EPHA6: variants seen among roughly 807,000 people sequenced by gnomAD.
EPHA6 encodes the protein EPH receptor A6.
In EPHA6, 50 loss-of-function variants were observed where a neutral mutation model predicts 112.0. The observed-to-expected ratio is 0.45, with a 90% CI of 0.36 to 0.56. EPHA6 has a LOEUF of 0.56. Among genes scored for constraint, EPHA6 ranks in the 20% least tolerant of loss-of-function variants. The probability of loss-of-function intolerance (pLI) is 0.00; values close to 1 mark genes in which losing one functional copy is unlikely to be tolerated. For synonymous variants in EPHA6, 529 were observed against 490.7 expected (o/e 1.08, Z -1.03); for missense variants, 1,280 against 1,417.4 (o/e 0.90, Z 1.56).
intron 5 of EPHA6, among the ~76,000 whole-genome samples, chr3:97,337,383 C>T (rs1233012719): frequency 6.6e-6 from 1 of 152,136 alleles, no homozygotes; most frequent in African/African-American, 2.4e-5. Flanking sequence ...GAGTGCTAAA[C>T]TTTAATTGGC....
intron 1 of EPHA6, among the ~76,000 whole-genome samples, chr3:96,823,294 A>G (rs543523773): frequency 3.6e-4 from 55 of 151,882 alleles, no homozygotes; most frequent in Middle Eastern, 3.4e-3. Context: ...GTAGCTAAGT[A>G]GCTATAAACA....
At position 97,735,905 on chromosome 3, in the gene EPHA6, C is replaced by T; in HGVS notation, c.2935-20C>T. On this transcript the variant is annotated intron_variant, in intron 15 of 17. Transcript: ENST00000389672. ...TACTGCCTAAAAATAAGAGAGTAATCTGTATATGTTTGCATTTAGGTCATT... is the reference window on the plus strand; with the variant it reads ...TACTGCCTAAAAATAAGAGAGTAATTTGTATATGTTTGCATTTAGGTCATT... 6.5e-7 allele frequency: 1 copy of T among 1,542,410 alleles called. No homozygotes were observed. Among genetic ancestry groups the T allele is most frequent in the Non-Finnish European group, 8.8e-7 (1 of 1,136,636 alleles).
chr3:97,604,725 G>T (rs1051703758), intron 12 of EPHA6, among the ~76,000 whole-genome samples: 2 of 151,528 alleles, frequency 1.3e-5, no homozygotes, highest in Admixed American at 6.6e-5. Flanking sequence ...ACTTCCCTAA[G>T]ATCATGCAAC....
intron 3 of EPHA6, among the ~76,000 whole-genome samples, chr3:96,993,562 C>T (rs116740796): frequency 0.013 from 1,995 of 152,170 alleles, 44 homozygotes; most frequent in African/African-American, 0.043. Flanking sequence ...CTTTCATTTC[C>T]TCATTCCAGA....
chr3:97,080,650 T>C (rs2046691426), intron 3 of EPHA6, among the ~76,000 whole-genome samples: 1 of 152,052 alleles, frequency 6.6e-6, no homozygotes, highest in African/African-American at 2.4e-5. Context: ...GAAATGAATA[T>C]TCTCCCAAAC....
At chr3:97,479,108 T>G (rs2091456104) in intron 8 of EPHA6, among the ~76,000 whole-genome samples, 186 bp from the exon 9 acceptor site, 1 of 152,154 alleles carries the variant, frequency 6.6e-6, no homozygotes. Context: ...TAACAGCATT[T>G]TATTCTAGGG....
chr3:97,641,869 G>A (rs1336526318), intron 14 of EPHA6, among the ~76,000 whole-genome samples: 7 of 151,590 alleles, frequency 4.6e-5, no homozygotes, highest in East Asian at 2.0e-4. Flanking sequence ...GGGGAGGGGC[G>A]CCCGCCATTG....
At chr3:97,146,587 A>G (rs180851604) in intron 3 of EPHA6, among the ~76,000 whole-genome samples, 1 of 152,060 alleles carries the variant, frequency 6.6e-6, no homozygotes, top group Admixed American at 6.6e-5. Flanking sequence ...TACTCTCTAT[A>G]TTAGGTAACT....
Position 97,448,637 on chromosome 3 carries a change from C to T in EPHA6, c.1801C>T (p.Pro601Ser), listed in dbSNP as rs772861092. Residue 601 changes from proline (P) to serine (S), a missense_variant, in exon 7 of 18, where the codon CCA becomes TCA. Pro to Ser is a moderately conservative substitution (Grantham distance 74, BLOSUM62 -1). Around this residue, in one of 4 missense-constraint regions of EPHA6, gnomAD observed 878 missense variants for 999.7 expected, o/e 0.88. Transcript: ENST00000389672. ...APSVIITGLK[P>S]ATKYVFHIRV... The stretch of plus-strand genomic sequence containing the variant: ...CAGTGTCATCATCACAGGTCTTAAG[C>T]CAGCCACCAAATATGTATTTCACAT... 4 of 1,613,560 alleles carry T rather than the reference C, an allele frequency of 2.5e-6. No homozygotes were observed. In the South Asian group the frequency reaches 4.4e-5, roughly 18 times the overall value.
chr3:97,654,607 TTG>T (rs2094126930), intron 14 of EPHA6, among the ~76,000 whole-genome samples: 1 of 151,860 alleles, frequency 6.6e-6, no homozygotes, highest in Non-Finnish European at 1.5e-5. Flanking sequence ...GACCTGAAAA[TTG>T]TAAAGGTACC....
chr3:97,306,707 A>C (rs1383460574), intron 5 of EPHA6, among the ~76,000 whole-genome samples: 1 of 151,874 alleles, frequency 6.6e-6, no homozygotes, highest in South Asian at 2.1e-4. Flanking sequence ...ATATATTACT[A>C]TTAAAAATTC....
At chr3:96,912,337 C>A (rs995099732) in intron 2 of EPHA6, among the ~76,000 whole-genome samples, 3 of 151,924 alleles carry the variant, frequency 2.0e-5, no homozygotes, top group African/African-American at 7.3e-5. Flanking sequence ...GAACTAATTG[C>A]CAATCAATAG....
chr3:97,568,143 T>C (rs1249026673), intron 11 of EPHA6, among the ~76,000 whole-genome samples: 2 of 152,176 alleles, frequency 1.3e-5, no homozygotes, highest in Non-Finnish European at 2.9e-5. Flanking sequence ...GGCTAGGCCC[T>C]GGAGGATAAG....
At chr3:97,496,812 C>CA (rs1169968537) in intron 10 of EPHA6, among the ~76,000 whole-genome samples, 8 of 148,584 alleles carry the variant, frequency 5.4e-5, no homozygotes, top group African/African-American at 2.1e-4. Flanking sequence ...GATGCACACA[C>CA]ACAAAAAAAA....
chr3:97,035,137 A>T (rs1331779382), intron 3 of EPHA6, among the ~76,000 whole-genome samples: 1 of 151,974 alleles, frequency 6.6e-6, no homozygotes, highest in Non-Finnish European at 1.5e-5. Flanking sequence ...TATTAGAAGC[A>T]TGTGAAATAT....
intron 3 of EPHA6, among the ~76,000 whole-genome samples, chr3:97,094,377 A>T (rs762416328): frequency 8.5e-5 from 13 of 152,102 alleles, no homozygotes; most frequent in Non-Finnish European, 1.6e-4. Context: ...ATCAAAAGTA[A>T]ACAGTAACTT....
chr3:97,468,100 C>A (rs866489655), intron 7 of EPHA6, among the ~76,000 whole-genome samples: 7 of 145,946 alleles, frequency 4.8e-5, no homozygotes, highest in Non-Finnish European at 9.0e-5. Context: ...GGAGAAGTGG[C>A]AGAGGAGTAG....
intron 13 of EPHA6, among the ~76,000 whole-genome samples, chr3:97,629,087 C>T (rs181770069): frequency 4.1e-4 from 62 of 151,966 alleles, no homozygotes; most frequent in Non-Finnish European, 6.2e-4. Context: ...TACACCACCG[C>T]GCTAGCTAAT....
intron 5 of EPHA6, among the ~76,000 whole-genome samples, chr3:97,290,215 A>C (rs2080627303): frequency 6.6e-6 from 1 of 152,126 alleles, no homozygotes. Context: ...TGTTTACTCA[A>C]AAGTCATTCT....
Sources: allele counts gnomAD v4.1 joint callset (sites outside exome capture counted in the v4.1 genomes callset), GRCh38; gene constraint gnomAD v4.1.1; regional missense constraint gnomAD v4.1.1; transcripts MANE v1.5; gene names NCBI Gene and HGNC (gene_info 2026-07-23, HGNC 2026-07-21).